Variants in FANCC observed in about 807,000 individuals in gnomAD.
FANCC encodes Fanconi anemia group C protein.
Under a neutral mutation model 71.3 loss-of-function variants are expected in FANCC, and 55 were observed. That is an observed-to-expected ratio of 0.77 (90% CI 0.62 to 0.97). The LOEUF is 0.97. Ranked by LOEUF, FANCC falls within the 50% of genes least tolerant of loss-of-function variation. The probability of loss-of-function intolerance (pLI) is 0.00; values close to 1 mark genes in which losing one functional copy is unlikely to be tolerated. For synonymous variants in FANCC, 275 were observed against 244.9 expected, an observed-to-expected ratio of 1.12 and a Z score of -1.15; for missense variants, 678 against 670.9, an observed-to-expected ratio of 1.01 and a Z score of -0.12.
chr9:95,256,916 A>G (rs1234205059), intron 1 of FANCC, among the ~76,000 whole-genome samples: 1 of 152,246 alleles, frequency 6.6e-6, no homozygotes, highest in African/African-American at 2.4e-5. Flanking sequence ...CTTTAAACCA[A>G]CAAAGATCAA....
chr9:95,225,941 A>G (rs981475805), intron 4 of FANCC, among the ~76,000 whole-genome samples: 1 of 152,212 alleles, frequency 6.6e-6, no homozygotes, highest in African/African-American at 2.4e-5. Flanking sequence ...ACATTTTAAA[A>G]ATTCACAATT....
chr9:95,241,178 G>A (rs1017142549), intron 3 of FANCC, among the ~76,000 whole-genome samples: 34 of 152,214 alleles, frequency 2.2e-4, no homozygotes, highest in African/African-American at 7.5e-4. Flanking sequence ...GCAACTTAAT[G>A]GTTATAGGCA....
At chr9:95,194,116 C>T (rs1384291082) in intron 4 of FANCC, among the ~76,000 whole-genome samples, 1 of 152,020 alleles carries the variant, frequency 6.6e-6, no homozygotes, top group East Asian at 1.9e-4. Flanking sequence ...GCAGCCAGGG[C>T]CAAAACTCAC....
At chr9:95,265,537 T>C (rs1038782420) in intron 1 of FANCC, among the ~76,000 whole-genome samples, 3 of 152,314 alleles carry the variant, frequency 2.0e-5, no homozygotes, top group South Asian at 2.1e-4. Flanking sequence ...CCTTCCCTCA[T>C]GCATTCTATT....
chr9:95,101,057 A>G lies in FANCC; in HGVS notation c.*650T>C. ...CTACCTTCGCCTGCCGGCTCCTCTG[A>G]TGTCCCAAGGGCCTTTTGGTAGCAG... On this transcript the variant is annotated 3_prime_UTR_variant, in exon 15 of 15. Transcript: ENST00000289081. The G allele has an allele frequency of 4.3e-6, 1 of 234,336 alleles. No individual in the cohort carries two copies. Among genetic ancestry groups the G allele is most frequent in the East Asian group, 6.0e-5 (1 of 16,590 alleles). 14.5% of individuals were successfully genotyped at this position (234,336 alleles called of 1,614,324 possible). A position where few individuals can be genotyped will look rare whatever the true frequency, so the allele number is the denominator to read the frequency against.
intron 1 of FANCC, chr9:95,316,783 TA>T (rs984003196): frequency 1.3e-5 from 2 of 152,238 alleles, no homozygotes; most frequent in Non-Finnish European, 2.9e-5. Context: ...TTCGTAGTTG[TA>T]AACGCACCCA....
chr9:95,258,723 T>C (rs962760196), intron 1 of FANCC, among the ~76,000 whole-genome samples: 2 of 152,276 alleles, frequency 1.3e-5, no homozygotes, highest in African/African-American at 4.8e-5. Flanking sequence ...TAAAGCATAT[T>C]CAAATAGGAA....
At chr9:95,240,580 T>A in intron 4 of FANCC, 69 bp downstream of exon 4, 1 of 1,231,220 alleles carries the variant, frequency 8.1e-7, no homozygotes, top group East Asian at 2.3e-5. Context: ...ACCCCAAAAT[T>A]TTTTTAAGCA....
intron 1 of FANCC, among the ~76,000 whole-genome samples, chr9:95,265,760 C>T (rs1832348427): frequency 6.6e-6 from 1 of 152,150 alleles, no homozygotes; most frequent in South Asian, 2.1e-4. Flanking sequence ...ACTACCTAAA[C>T]AAAAACAAGG....
intron 1 of FANCC, among the ~76,000 whole-genome samples, chr9:95,302,886 T>C (rs1192750177): frequency 6.6e-6 from 1 of 152,252 alleles, no homozygotes; most frequent in Non-Finnish European, 1.5e-5. Context: ...AGACTCAGTA[T>C]GCATATGACA....
intron 4 of FANCC, among the ~76,000 whole-genome samples, chr9:95,202,562 G>A (rs554052898): frequency 3.9e-5 from 6 of 152,336 alleles, no homozygotes; most frequent in African/African-American, 9.6e-5. Context: ...TGCTCAGGGC[G>A]AAAGAACCAG....
At chr9:95,240,860 C>T (rs963838254) in intron 3 of FANCC, 117 bp from the exon 4 acceptor site, 28 of 686,756 alleles carry the variant, frequency 4.1e-5, no homozygotes, top group Non-Finnish European at 7.3e-5. Flanking sequence ...AACAAGTATC[C>T]CTGAATATAA....
chr9:95,115,044 G>T (rs935917238), intron 11 of FANCC, among the ~76,000 whole-genome samples: 1 of 152,168 alleles, frequency 6.6e-6, no homozygotes, highest in Non-Finnish European at 1.5e-5. Context: ...GGGCTCAAGC[G>T]ATCTTCCTAC....
At chr9:95,201,929 T>C (rs1296385074) in intron 4 of FANCC, among the ~76,000 whole-genome samples, 1 of 152,226 alleles carries the variant, frequency 6.6e-6, no homozygotes, top group Non-Finnish European at 1.5e-5. Flanking sequence ...TGATATTGCA[T>C]TACTTTCTAT....
intron 4 of FANCC, among the ~76,000 whole-genome samples, chr9:95,196,259 T>C (rs1827450033): frequency 6.6e-6 from 1 of 152,196 alleles, no homozygotes; most frequent in Admixed American, 6.5e-5. Context: ...TTTATGAAGT[T>C]GAGGTAATTC....
intron 4 of FANCC, among the ~76,000 whole-genome samples, chr9:95,194,634 A>AT (rs375156180): frequency 0.022 from 3,170 of 146,010 alleles, 111 homozygotes; most frequent in African/African-American, 0.071. Flanking sequence ...TTTATTTGCC[A>AT]TTTTTTTTTT....
intron 4 of FANCC, among the ~76,000 whole-genome samples, chr9:95,215,166 G>A (rs1490771518): frequency 2.6e-5 from 4 of 152,128 alleles, no homozygotes; most frequent in African/African-American, 7.2e-5. Context: ...CTTACAGTTC[G>A]GATACAGATC....
intron 4 of FANCC, among the ~76,000 whole-genome samples, chr9:95,188,067 T>C (rs1361414898): frequency 6.6e-6 from 1 of 151,366 alleles, no homozygotes; most frequent in Non-Finnish European, 1.5e-5. Flanking sequence ...GTTTCCATGG[T>C]TCAGTGCCAG....
rs889715188 is a variant in FANCC, at chr9:95,135,455, C to T, written c.734G>A (p.Arg245Gln). 12 of 1,613,852 alleles carry T rather than the reference C, an allele frequency of 7.4e-6. No individual in the cohort carries two copies. Among genetic ancestry groups the T allele is most frequent in the African/African-American group, 2.7e-5 (2 of 74,876 alleles). ...PMSAVVCLWL[R>Q]HLPSLEKAML... ...TGCTTTTTCAAGGCTGGGAAGGTGCCGAAGCCAGAGGCAGACTACAGCTGA... is the reference window on the plus strand; with the variant it reads ...TGCTTTTTCAAGGCTGGGAAGGTGCTGAAGCCAGAGGCAGACTACAGCTGA... Residue 245 changes from arginine (R) to glutamine (Q), a missense_variant, in exon 8 of 15, where the codon CGG becomes CAG. Arg to Gln is a conservative substitution (Grantham distance 43). Transcript: ENST00000289081.
Sources: allele counts gnomAD v4.1 joint callset (sites outside exome capture counted in the v4.1 genomes callset), GRCh38; gene constraint gnomAD v4.1.1; transcripts MANE v1.5; gene names NCBI Gene and HGNC (gene_info 2026-07-23, HGNC 2026-07-21).